MAP3K5: variants seen among roughly 807,000 people sequenced by gnomAD.
MAP3K5 encodes the protein mitogen-activated protein kinase kinase kinase 5.
A neutral mutation model predicts 158.7 loss-of-function variants in MAP3K5; 56 were observed. That is an observed-to-expected ratio of 0.35 (90% CI 0.28 to 0.44). The LOEUF is 0.44. Ranked by LOEUF, MAP3K5 falls within the 20% of genes least tolerant of loss-of-function variation. The pLI, the probability that MAP3K5 is intolerant of heterozygous loss-of-function variation, is 1.00. For missense variants in MAP3K5, 1,294 were observed against 1,674.8 expected, an observed-to-expected ratio of 0.77 and a Z score of 3.97; for synonymous variants, 579 against 601.7, an observed-to-expected ratio of 0.96 and a Z score of 0.55.
chr6:136,575,249 C>A (rs1774561715), intron 25 of MAP3K5, among the ~76,000 whole-genome samples: 1 of 150,996 alleles, frequency 6.6e-6, no homozygotes, highest in African/African-American at 2.4e-5. Flanking sequence ...GTGGCCTTGA[C>A]CTCCTGGGCT....
At chr6:136,723,459 T>C (rs1378770591) in intron 1 of MAP3K5, among the ~76,000 whole-genome samples, 3 of 152,150 alleles carry the variant, frequency 2.0e-5, no homozygotes, top group Admixed American at 6.5e-5. Context: ...ACCTGAAAAG[T>C]TGTACACCAA....
chr6:136,774,308 A>G (rs546516136), intron 1 of MAP3K5, among the ~76,000 whole-genome samples: 7 of 152,132 alleles, frequency 4.6e-5, no homozygotes, highest in Non-Finnish European at 8.8e-5. Flanking sequence ...TTAAAAAATT[A>G]GCCAGCATGG....
chr6:136,579,658 A>T (rs1774779771), intron 25 of MAP3K5, among the ~76,000 whole-genome samples: 1 of 152,182 alleles, frequency 6.6e-6, no homozygotes, highest in Admixed American at 6.5e-5. Context: ...GTCAATGTAG[A>T]TTCACTGATT....
chr6:136,724,229 G>A (rs541070532), intron 1 of MAP3K5, among the ~76,000 whole-genome samples: 16 of 151,114 alleles, frequency 1.1e-4, no homozygotes, highest in African/African-American at 2.9e-4. Context: ...GAAAGTTTTC[G>A]GATTAAGAGA....
chr6:136,685,389 C>T (rs1283220193), intron 7 of MAP3K5, among the ~76,000 whole-genome samples: 1 of 152,122 alleles, frequency 6.6e-6, no homozygotes, highest in Non-Finnish European at 1.5e-5. Context: ...GAACCCACAA[C>T]TAAAGCTATC....
At chr6:136,599,467 C>T (rs1245015453) in intron 21 of MAP3K5, among the ~76,000 whole-genome samples, 1 of 149,830 alleles carries the variant, frequency 6.7e-6, no homozygotes, top group Non-Finnish European at 1.5e-5. Flanking sequence ...GAACTGTCCA[C>T]TTAAAGGATC....
At chr6:136,756,350 T>A (rs972385560) in intron 1 of MAP3K5, among the ~76,000 whole-genome samples, 6 of 152,166 alleles carry the variant, frequency 3.9e-5, no homozygotes, top group African/African-American at 1.4e-4. Flanking sequence ...TTCATTGAGC[T>A]GGGCATGGAT....
intron 19 of MAP3K5, 92 bp from the exon 20 acceptor site, chr6:136,602,071 A>G: frequency 2.1e-6 from 2 of 935,808 alleles, no homozygotes; most frequent in East Asian, 5.0e-5. Flanking sequence ...CCCCAATGCA[A>G]CAAGATCCCT....
intron 7 of MAP3K5, among the ~76,000 whole-genome samples, chr6:136,688,977 CT>C (rs1780271708): frequency 6.6e-6 from 1 of 151,970 alleles, no homozygotes; most frequent in African/African-American, 2.4e-5. Flanking sequence ...CACAATTACA[CT>C]CCTCTTTTGT....
chr6:136,637,348 C>T lies in MAP3K5; in HGVS notation c.1993G>A (p.Asp665Asn). ...EEKGRSTEEGDCESDLLEYDY... is the reference protein window; with the variant it reads ...EEKGRSTEEGNCESDLLEYDY... Reference sequence around the variant, plus strand: ...ACCTCCAGCAAGTCACTTTCACAGTCTCCTTCCTCTGTGCTTCTCCCCTTC... The same window carrying T: ...ACCTCCAGCAAGTCACTTTCACAGTTTCCTTCCTCTGTGCTTCTCCCCTTC... Residue 665 changes from aspartate (D) to asparagine (N), a missense_variant, in exon 14 of 30, where the codon GAC (aspartate) becomes AAC (asparagine). Physicochemically the swap from Asp to Asn is conservative, Grantham distance 23. Around this residue, in one of 5 missense-constraint regions of MAP3K5, gnomAD observed 690 missense variants for 870.5 expected, o/e 0.79. Coordinates refer to ENST00000359015, the MANE Select transcript of MAP3K5 (RefSeq NM_005923.4). 1 of 1,612,274 alleles carries T rather than the reference C, an allele frequency of 6.2e-7. No homozygotes were observed.
intron 12 of MAP3K5, among the ~76,000 whole-genome samples, chr6:136,641,796 C>T (rs1223619455): frequency 4.0e-5 from 6 of 151,070 alleles, no homozygotes; most frequent in Middle Eastern, 3.4e-3. Context: ...CAGACCAGCC[C>T]GGCCAACACG....
intron 7 of MAP3K5, among the ~76,000 whole-genome samples, chr6:136,691,633 G>C (rs912715242): frequency 6.6e-6 from 1 of 151,204 alleles, no homozygotes; most frequent in African/African-American, 2.4e-5. Flanking sequence ...AAAGTATTTA[G>C]ACCACTAAAT....
chr6:136,720,660 A>C lies in MAP3K5; in HGVS notation c.449-71T>G, dbSNP rs1583475057. 9.4e-6 allele frequency: 11 copies of C among 1,168,472 alleles called. No homozygotes were observed. The East Asian group carries it at 2.8e-4, about 30-fold the overall frequency. 72.4% of individuals were successfully genotyped at this position (1,168,472 alleles called of 1,614,324 possible). A position where few individuals can be genotyped will look rare whatever the true frequency, so the allele number is the denominator to read the frequency against. ...TGCCCAATCAGCACATTTTGGTTTG[A>C]ATTATCTTAGTATTCAAAAGAGGAA... On this transcript the variant is annotated intron_variant, in intron 1 of 29. Transcript: ENST00000359015.
chr6:136,633,764 ATCACAT>A (rs1313862884), intron 14 of MAP3K5, among the ~76,000 whole-genome samples: 2 of 152,228 alleles, frequency 1.3e-5, no homozygotes, highest in Non-Finnish European at 2.9e-5. Flanking sequence ...AGTTTATAGA[ATCACAT>A]TAATAGTTAC....
chr6:136,743,621 T>C (rs189202344), intron 1 of MAP3K5, among the ~76,000 whole-genome samples: 10 of 152,342 alleles, frequency 6.6e-5, no homozygotes, highest in East Asian at 1.9e-4. Context: ...CAAGACAGTC[T>C]GGTGGTTTAT....
chr6:136,635,256 T>C (rs1424109881), intron 14 of MAP3K5, among the ~76,000 whole-genome samples: 2 of 152,282 alleles, frequency 1.3e-5, no homozygotes, highest in East Asian at 3.9e-4. Context: ...AAGTTTTACC[T>C]TGGCAAGTTG....
At chr6:136,597,116 A>G (rs1413703864) in intron 21 of MAP3K5, among the ~76,000 whole-genome samples, 1 of 152,194 alleles carries the variant, frequency 6.6e-6, no homozygotes, top group African/African-American at 2.4e-5. Context: ...AGGATAGGAC[A>G]TGTCAAAGGT....
chr6:136,610,638 C>A (rs1776293290), intron 18 of MAP3K5, among the ~76,000 whole-genome samples: 1 of 146,396 alleles, frequency 6.8e-6, no homozygotes. Flanking sequence ...TTATTGTAGG[C>A]CAACCAGGAA....
intron 17 of MAP3K5, 66 bp from the exon 18 acceptor site, chr6:136,611,453 G>A: frequency 1.1e-6 from 1 of 871,114 alleles, no homozygotes; most frequent in East Asian, 2.5e-5. Flanking sequence ...TGTTGACTTG[G>A]TAAGTCCAAT....
Sources: gnomAD v4.1 joint callset for allele counts (sites outside exome capture counted in the v4.1 genomes callset) on GRCh38, gnomAD v4.1.1 for gene constraint, gnomAD v4.1.1 regional missense constraint, MANE v1.5 for transcripts, NCBI Gene and HGNC (gene_info 2026-07-23, HGNC 2026-07-21) for gene names.